The following MPZL1 variants were observed in gnomAD, a reference collection of about 807,000 sequenced individuals.
The protein encoded by MPZL1 is myelin protein zero-like protein 1.
A neutral mutation model predicts 29.3 loss-of-function variants in MPZL1; 16 were observed. The observed-to-expected ratio is 0.55, with a 90% confidence interval of 0.37 to 0.83. The LOEUF (loss-of-function observed/expected upper bound fraction) is 0.83. Among genes scored for constraint, MPZL1 ranks in the 40% least tolerant of loss-of-function variants. The probability of loss-of-function intolerance (pLI) is 0.00; values close to 1 mark genes in which losing one functional copy is unlikely to be tolerated. For missense variants in MPZL1, 279 were observed against 332.9 expected, an observed-to-expected ratio of 0.84 and a Z score of 1.26; for synonymous variants, 143 against 132.0, an observed-to-expected ratio of 1.08 and a Z score of -0.57.
At chr1:167,785,678 TG>T (rs1200019417) in intron 5 of MPZL1, among the ~76,000 whole-genome samples, 1 of 152,232 alleles carries the variant, frequency 6.6e-6, no homozygotes, top group East Asian at 1.9e-4. Context: ...AATTATGATA[TG>T]GGGTTTTATT....
chr1:167,780,871 T>A (rs573332778), intron 5 of MPZL1, among the ~76,000 whole-genome samples: 1 of 152,290 alleles, frequency 6.6e-6, no homozygotes, highest in African/African-American at 2.4e-5. Flanking sequence ...AGATGCTAAT[T>A]TTTATGTTAT....
At chr1:167,759,919 G>A (rs1413849352) in intron 1 of MPZL1, among the ~76,000 whole-genome samples, 1 of 152,224 alleles carries the variant, frequency 6.6e-6, no homozygotes, top group Admixed American at 6.5e-5. Context: ...GTTAGCTCAT[G>A]TAGGACTTTG....
At chr1:167,730,908 T>C (rs1056090357) in intron 1 of MPZL1, among the ~76,000 whole-genome samples, 3 of 152,220 alleles carry the variant, frequency 2.0e-5, no homozygotes, top group African/African-American at 7.2e-5. Flanking sequence ...TGTAGCCATG[T>C]TGTCTGCCAC....
At position 167,772,367 on chromosome 1, in the gene MPZL1, T is replaced by G. The variant is rs1661270928; in HGVS notation, c.351T>G (p.Asp117Glu). ...ISWAGDLDKKDASINIENMQF... is the reference protein window; with the variant it reads ...ISWAGDLDKKEASINIENMQF... The stretch of plus-strand genomic sequence containing the variant: ...GGGCTGGAGACCTTGACAAGAAAGA[T>G]GCATCAATCAACATAGAAAATATGC... The change falls in exon 3 of 6, where the codon GAT becomes GAG. Residue 117 changes from aspartate (D) to glutamate (E), a missense_variant. By Grantham distance (45) the Asp-to-Glu change is conservative (BLOSUM62 2). Transcript: ENST00000359523. The G allele has an allele frequency of 6.2e-7, 1 of 1,613,758 alleles. No homozygotes were observed. The highest frequency in any genetic ancestry group is 1.3e-5 in the African/African-American group (1 of 74,912).
At chr1:167,760,769 G>GTA (rs1190094863) in intron 1 of MPZL1, among the ~76,000 whole-genome samples, 1 of 134,968 alleles carries the variant, frequency 7.4e-6, no homozygotes, top group Non-Finnish European at 1.6e-5. Context: ...GTGTGTGTGT[G>GTA]TGTGTGTGTG....
intron 1 of MPZL1, among the ~76,000 whole-genome samples, chr1:167,735,173 G>A (rs545420825): frequency 1.3e-5 from 2 of 152,298 alleles, no homozygotes; most frequent in African/African-American, 4.8e-5. Flanking sequence ...GTCATTAGGA[G>A]TAACCAACAA....
chr1:167,747,745 A>T (rs1317103390), intron 1 of MPZL1, among the ~76,000 whole-genome samples: 2 of 152,160 alleles, frequency 1.3e-5, no homozygotes, highest in African/African-American at 4.8e-5. Flanking sequence ...TTTTTTTAAC[A>T]GAAGTTTTAC....
chr1:167,789,734 G>C lies in MPZL1; in HGVS notation c.*1813G>C, dbSNP rs763201131. ...TGAAGCTGGGCAGCGTCTGCTCTGTGTTCTGTGTGGAATGGAGAAAAAAAC... is the reference window on the plus strand; with the variant it reads ...TGAAGCTGGGCAGCGTCTGCTCTGTCTTCTGTGTGGAATGGAGAAAAAAAC... On this transcript the variant is annotated 3_prime_UTR_variant, in exon 6 of 6. Coordinates refer to ENST00000359523, the MANE Select transcript of MPZL1 (RefSeq NM_003953.6). 1 of 152,222 alleles carries C rather than the reference G, an allele frequency of 6.6e-6. No individual in the cohort carries two copies. Among genetic ancestry groups the C allele is most frequent in the Non-Finnish European group, 1.5e-5 (1 of 68,090 alleles). The allele number at this position is 152,222 out of a possible 1,614,324, so 9.4% of individuals were successfully genotyped here.
At chr1:167,763,617 CAG>C (rs1047049814) in intron 1 of MPZL1, among the ~76,000 whole-genome samples, 54 of 152,256 alleles carry the variant, frequency 3.5e-4, no homozygotes, top group Admixed American at 1.5e-3. Context: ...CAAAATCACA[CAG>C]AGTGAATAAG....
At position 167,785,198 on chromosome 1, in the gene MPZL1, T is replaced by C. The variant is rs114759375; in HGVS notation, c.709-2622T>C. ...CTCAGCTGATCTCTGCTGGCTCACT[T>C]GTGCATCTGCAGTTGGCTAGAAGGT... is the stretch of plus-strand genomic sequence containing the variant. On this transcript the variant is annotated intron_variant, in intron 5 of 5. Transcript: ENST00000359523. 4.5e-3 allele frequency among the ~76,000 whole-genome samples: 691 copies of C among 152,328 alleles called. 10 individuals carry two copies. Among genetic ancestry groups the C allele is most frequent in the African/African-American group, 0.016 (658 of 41,574 alleles).
chr1:167,733,363 TC>T (rs1478559032), intron 1 of MPZL1, among the ~76,000 whole-genome samples: 1 of 152,204 alleles, frequency 6.6e-6, no homozygotes, highest in East Asian at 1.9e-4. Flanking sequence ...CACTGTAAGT[TC>T]TAGGCTATAG....
chr1:167,764,625 A>G (rs775464958), intron 1 of MPZL1, among the ~76,000 whole-genome samples: 6 of 152,218 alleles, frequency 3.9e-5, no homozygotes, highest in Non-Finnish European at 8.8e-5. Flanking sequence ...CATATGGATG[A>G]TGAGAAAAGT....
intron 5 of MPZL1, among the ~76,000 whole-genome samples, chr1:167,778,058 C>G (rs1303883205): frequency 6.6e-6 from 1 of 152,204 alleles, no homozygotes; most frequent in Non-Finnish European, 1.5e-5. Flanking sequence ...TGCGGTGGCT[C>G]ACGCCTGTAA....
chr1:167,766,731 A>G (rs1661121643), intron 2 of MPZL1, among the ~76,000 whole-genome samples: 1 of 152,160 alleles, frequency 6.6e-6, no homozygotes. Context: ...TCACAGCTCT[A>G]TGAGGAAGAC....
rs1008896763 is a variant in MPZL1 at position 167,725,375 on chromosome 1, A to G, written c.91+3133A>G. 1.1e-4 allele frequency among the ~76,000 whole-genome samples: 16 copies of G among 152,128 alleles called. No individual in the cohort carries two copies. In the East Asian group the frequency reaches 2.9e-3, roughly 28 times the overall value. ...CGGCTTACTGCAACCTCCATCTCCCAGATTCAAGTGATTCTTCTTGTGCCT... is the reference window on the plus strand; with the variant it reads ...CGGCTTACTGCAACCTCCATCTCCCGGATTCAAGTGATTCTTCTTGTGCCT... On this transcript the variant is annotated intron_variant, in intron 1 of 5. Transcript: ENST00000359523.
intron 1 of MPZL1, among the ~76,000 whole-genome samples, chr1:167,752,280 C>T (rs1660775106): frequency 6.6e-6 from 1 of 152,154 alleles, no homozygotes; most frequent in Non-Finnish European, 1.5e-5. Flanking sequence ...TAATTAGCTA[C>T]ATATAGTCTA....
intron 5 of MPZL1, among the ~76,000 whole-genome samples, chr1:167,777,739 AC>A (rs1174191806): frequency 5.9e-5 from 9 of 152,316 alleles, no homozygotes; most frequent in African/African-American, 1.9e-4. Context: ...TGGTGCTCAC[AC>A]AGGTGAGGGA....
chr1:167,788,052 A>T lies in MPZL1; in HGVS notation c.*131A>T, dbSNP rs1160675270. On this transcript the variant is annotated 3_prime_UTR_variant, in exon 6 of 6. Transcript: ENST00000359523. ...CAAGTACACGTGTACTCACAGAGGG[A>T]GAGAAAGATGTGTACAAAGGATATG... The T allele has an allele frequency of 1.0e-5, 7 of 673,850 alleles. No individual in the cohort carries two copies. The highest frequency in any genetic ancestry group is 1.9e-5 in the Non-Finnish European group (7 of 372,170). 41.7% of individuals were successfully genotyped at this position (673,850 alleles called of 1,614,324 possible). A position where few individuals can be genotyped will look rare whatever the true frequency, so the allele number is the denominator to read the frequency against.
At chr1:167,724,532 G>A (rs1171902267) in intron 1 of MPZL1, among the ~76,000 whole-genome samples, 12 of 152,214 alleles carry the variant, frequency 7.9e-5, no homozygotes, top group Non-Finnish European at 1.6e-4. Context: ...TAGAAAGTAC[G>A]TTTGATAGAG....
Sources: allele counts gnomAD v4.1 joint callset (sites outside exome capture counted in the v4.1 genomes callset), GRCh38; gene constraint gnomAD v4.1.1; transcripts MANE v1.5; gene names NCBI Gene and HGNC (gene_info 2026-07-23, HGNC 2026-07-21).